XKR4: variants seen among roughly 807,000 people sequenced by gnomAD.
XKR4 encodes XK related 4, also known as XK-related protein 4.
In XKR4, 12 loss-of-function variants were observed where a neutral mutation model predicts 53.9. The observed-to-expected ratio is 0.22, with a 90% CI of 0.14 to 0.36. The LOEUF (loss-of-function observed/expected upper bound fraction) is 0.36, where lower values mean the gene tolerates loss of function less well. Among genes scored for constraint, XKR4 ranks in the 10% least tolerant of loss-of-function variants. The pLI is 1.00. For missense variants in XKR4, 799 were observed against 859.5 expected (o/e 0.93, Z 0.88); for synonymous variants, 354 against 362.4 (o/e 0.98, Z 0.26).
chr8:55,429,442 G>T (rs1017960967), intron 2 of XKR4, among the ~76,000 whole-genome samples: 13 of 152,142 alleles, frequency 8.5e-5, no homozygotes, highest in African/African-American at 2.9e-4. Flanking sequence ...GGGTGCGGTG[G>T]CTCATGCCTG....
intron 1 of XKR4, among the ~76,000 whole-genome samples, chr8:55,282,091 T>C (rs1818851436): frequency 6.6e-6 from 1 of 152,158 alleles, no homozygotes; most frequent in Admixed American, 6.5e-5. Flanking sequence ...CAAAACTCAC[T>C]TGAGGGAAAG....
At chr8:55,450,166 G>C in intron 2 of XKR4, 2 of 670,250 alleles carry the variant, frequency 3.0e-6, no homozygotes, top group South Asian at 1.5e-5. Context: ...GATGGCGTCA[G>C]GCTGGGCTCG....
At chr8:55,515,895 G>C (rs1806705344) in intron 2 of XKR4, among the ~76,000 whole-genome samples, 1 of 152,182 alleles carries the variant, frequency 6.6e-6, no homozygotes, top group African/African-American at 2.4e-5. Flanking sequence ...TGGGAGATTT[G>C]AGATGTCCCT....
chr8:55,274,126 C>A (rs955177943), intron 1 of XKR4, among the ~76,000 whole-genome samples: 1 of 152,292 alleles, frequency 6.6e-6, no homozygotes, highest in Admixed American at 6.5e-5. Context: ...AAGATGATTA[C>A]CAAAATCAAT....
At chr8:55,457,146 C>CTTTTCTTTTTTTTTTTTT (rs533607534) in intron 2 of XKR4, among the ~76,000 whole-genome samples, 3 of 137,258 alleles carry the variant, frequency 2.2e-5, no homozygotes, top group Non-Finnish European at 3.1e-5. Context: ...TTTTCCTTTT[C>CTTTTCTTTTTTTTTTTTT]TTTTTTTTTT....
rs117421117 is a variant in XKR4, at chr8:55,157,196, A to G, written c.806+53902A>G. On this transcript the variant is annotated intron_variant, in intron 1 of 2. Transcript: ENST00000327381. The stretch of plus-strand genomic sequence containing the variant: ...AAATCTGTTGACTAACATTGATTGT[A>G]TCGTACATTATTTATAGAGATATTT... 2.9e-3 allele frequency among the ~76,000 whole-genome samples: 437 copies of G among 152,354 alleles called. 2 individuals carry two copies. Among genetic ancestry groups the G allele is most frequent in the Non-Finnish European group, 4.9e-3 (334 of 68,034 alleles).
At chr8:55,432,269 T>C (rs936908955) in intron 2 of XKR4, among the ~76,000 whole-genome samples, 1 of 152,212 alleles carries the variant, frequency 6.6e-6, no homozygotes, top group Non-Finnish European at 1.5e-5. Flanking sequence ...TATGTGACTT[T>C]GGGCAACTAT....
chr8:55,478,837 C>A (rs561170969), intron 2 of XKR4, among the ~76,000 whole-genome samples: 8 of 152,002 alleles, frequency 5.3e-5, no homozygotes, highest in South Asian at 4.2e-4. Context: ...ATCAATTCAA[C>A]AAGAAGAGCT....
intron 2 of XKR4, among the ~76,000 whole-genome samples, chr8:55,365,253 G>A (rs957253381): frequency 5.9e-5 from 9 of 152,216 alleles, no homozygotes; most frequent in Admixed American, 2.0e-4. Flanking sequence ...CTTCACGCAC[G>A]ACGTTCACTA....
At chr8:55,376,046 A>G (rs558965128) in intron 2 of XKR4, among the ~76,000 whole-genome samples, 6 of 152,204 alleles carry the variant, frequency 3.9e-5, no homozygotes, top group Non-Finnish European at 7.3e-5. Flanking sequence ...ATGACCCTAC[A>G]AAGGACACAA....
chr8:55,470,479 C>T (rs1422841466), intron 2 of XKR4, among the ~76,000 whole-genome samples: 1 of 152,118 alleles, frequency 6.6e-6, no homozygotes, highest in Non-Finnish European at 1.5e-5. Flanking sequence ...CTCTTGTCTG[C>T]CGCCACGTGA....
intron 1 of XKR4, among the ~76,000 whole-genome samples, chr8:55,126,239 G>A (rs988957297): frequency 3.3e-5 from 5 of 152,204 alleles, no homozygotes; most frequent in Non-Finnish European, 7.3e-5. Context: ...ATGATGAAGT[G>A]AGCAAGTTAA....
At chr8:55,105,955 A>G (rs1032729569) in intron 1 of XKR4, among the ~76,000 whole-genome samples, 3 of 152,176 alleles carry the variant, frequency 2.0e-5, no homozygotes, top group East Asian at 1.9e-4. Flanking sequence ...AGATTTTTCT[A>G]TTAGACTCAC....
At chr8:55,349,904 C>T (rs1803702230) in intron 1 of XKR4, among the ~76,000 whole-genome samples, 1 of 152,124 alleles carries the variant, frequency 6.6e-6, no homozygotes, top group Admixed American at 6.6e-5. Flanking sequence ...AAGTTTATTA[C>T]AGCATTGTTT....
At chr8:55,134,693 A>T (rs1816600307) in intron 1 of XKR4, among the ~76,000 whole-genome samples, 1 of 152,158 alleles carries the variant, frequency 6.6e-6, no homozygotes, top group Non-Finnish European at 1.5e-5. Flanking sequence ...CAGTTTCTTC[A>T]TTTGTATGTG....
chr8:55,281,650 A>G (rs1326363757), intron 1 of XKR4, among the ~76,000 whole-genome samples: 1 of 152,192 alleles, frequency 6.6e-6, no homozygotes, highest in Non-Finnish European at 1.5e-5. Flanking sequence ...CTCATTCCAC[A>G]TTTGAGAGTG....
intron 1 of XKR4, among the ~76,000 whole-genome samples, chr8:55,207,318 GC>G (rs1278570460): frequency 6.6e-6 from 1 of 152,166 alleles, no homozygotes; most frequent in Non-Finnish European, 1.5e-5. Context: ...TGTGTCCAGA[GC>G]CTATCTACAA....
intron 1 of XKR4, among the ~76,000 whole-genome samples, chr8:55,296,816 T>G (rs1819107973): frequency 1.3e-5 from 2 of 152,330 alleles, no homozygotes; most frequent in South Asian, 4.1e-4. Flanking sequence ...CCACAACTGT[T>G]GTTTTGTACC....
chr8:55,451,434 G>A, intron 2 of XKR4: 3 of 1,205,086 alleles, frequency 2.5e-6, no homozygotes, highest in Non-Finnish European at 1.2e-6. Context: ...GCATGGAGCT[G>A]ACAACAGCCT....
Sources: gnomAD v4.1 joint callset for allele counts (sites outside exome capture counted in the v4.1 genomes callset) on GRCh38, gnomAD v4.1.1 for gene constraint, MANE v1.5 for transcripts, NCBI Gene and HGNC (gene_info 2026-07-23, HGNC 2026-07-21) for gene names.